Variants in CNTNAP2 observed in about 807,000 individuals in gnomAD.
CNTNAP2 encodes the protein contactin associated protein 2, also known as contactin-associated protein-like 2.
A neutral mutation model predicts 155.2 loss-of-function variants in CNTNAP2; 98 were observed. The observed-to-expected ratio is 0.63, with a 90% CI of 0.54 to 0.75. The LOEUF (loss-of-function observed/expected upper bound fraction) is 0.75, where lower values mean the gene tolerates loss of function less well. CNTNAP2 is among the 30% of genes least tolerant of loss of function. The pLI is 0.00. For missense variants in CNTNAP2, 1,727 were observed against 1,688.1 expected (o/e 1.02, Z -0.40); for synonymous variants, 651 against 631.2 (o/e 1.03, Z -0.47).
intron 8 of CNTNAP2, among the ~76,000 whole-genome samples, chr7:147,152,916 C>A (rs1047797910): frequency 6.6e-6 from 1 of 152,100 alleles, no homozygotes; most frequent in Non-Finnish European, 1.5e-5. Context: ...CATAGTAAGT[C>A]TGATGTTCAT....
At chr7:146,716,853 C>A (rs1244813254) in intron 1 of CNTNAP2, among the ~76,000 whole-genome samples, 1 of 152,172 alleles carries the variant, frequency 6.6e-6, no homozygotes, top group Non-Finnish European at 1.5e-5. Context: ...TAGATAACTG[C>A]TAGACAAGGT....
At chr7:147,615,442 C>T (rs1343293462) in intron 12 of CNTNAP2, among the ~76,000 whole-genome samples, 1 of 86,204 alleles carries the variant, frequency 1.2e-5, no homozygotes, top group African/African-American at 5.3e-5. Context: ...TCAAAAAAAA[C>T]TGTTAAAAAA....
chr7:148,074,805 G>T (rs1803453320), intron 15 of CNTNAP2, among the ~76,000 whole-genome samples: 1 of 152,064 alleles, frequency 6.6e-6, no homozygotes, highest in South Asian at 2.1e-4. Context: ...TTAGCTTTTA[G>T]ATAGTTTACA....
At chr7:147,817,299 C>G (rs1235709748) in intron 13 of CNTNAP2, among the ~76,000 whole-genome samples, 2 of 152,146 alleles carry the variant, frequency 1.3e-5, no homozygotes, top group African/African-American at 2.4e-5. Context: ...TTTTTGAAAC[C>G]GTTAGAAAAA....
chr7:147,132,700 G>A (rs1049752580), intron 8 of CNTNAP2, among the ~76,000 whole-genome samples, 191 bp downstream of exon 8: 3 of 152,086 alleles, frequency 2.0e-5, no homozygotes, highest in Non-Finnish European at 4.4e-5. Context: ...GAGAGAGCAA[G>A]GCATGGGTGA....
chr7:147,174,534 A>G (rs1802296324), intron 8 of CNTNAP2, among the ~76,000 whole-genome samples: 1 of 152,170 alleles, frequency 6.6e-6, no homozygotes, highest in African/African-American at 2.4e-5. Context: ...AAGAAAGGAT[A>G]TATGTAATAA....
chr7:148,087,901 C>T (rs1477038563), intron 15 of CNTNAP2, among the ~76,000 whole-genome samples: 1 of 151,976 alleles, frequency 6.6e-6, no homozygotes, highest in Non-Finnish European at 1.5e-5. Flanking sequence ...GTAATTTTTT[C>T]CAAATAAGAT....
intron 11 of CNTNAP2, among the ~76,000 whole-genome samples, chr7:147,525,081 G>A (rs1799295059): frequency 6.6e-6 from 1 of 152,222 alleles, no homozygotes; most frequent in South Asian, 2.1e-4. Flanking sequence ...GCAGGCATGA[G>A]AGCCACAAAC....
At chr7:146,572,249 C>G (rs1242731466) in intron 1 of CNTNAP2, among the ~76,000 whole-genome samples, 2 of 138,148 alleles carry the variant, frequency 1.4e-5, no homozygotes, top group Non-Finnish European at 1.5e-5. Flanking sequence ...TCTGTTTTCT[C>G]TATATTTCTG....
intron 15 of CNTNAP2, among the ~76,000 whole-genome samples, chr7:147,988,157 G>A (rs1457043754): frequency 6.6e-6 from 1 of 152,190 alleles, no homozygotes; most frequent in Non-Finnish European, 1.5e-5. Flanking sequence ...AATTTGTTGA[G>A]TTTGTCTAAA....
intron 8 of CNTNAP2, among the ~76,000 whole-genome samples, chr7:147,291,151 C>CT: frequency 6.6e-6 from 1 of 151,312 alleles, no homozygotes; most frequent in Admixed American, 6.6e-5. Context: ...TTTTTTTATT[C>CT]TTTTTTTAAA....
intron 21 of CNTNAP2, among the ~76,000 whole-genome samples, chr7:148,354,454 C>T (rs1798478279): frequency 6.6e-6 from 1 of 152,072 alleles, no homozygotes; most frequent in South Asian, 2.1e-4. Context: ...CCTTAGGCTG[C>T]TGTTCCAATC....
chr7:147,808,056 CTGGGACCT>C (rs917718925), intron 13 of CNTNAP2, among the ~76,000 whole-genome samples: 5 of 152,122 alleles, frequency 3.3e-5, no homozygotes, highest in African/African-American at 1.2e-4. Flanking sequence ...CTTGACATGT[CTGGGACCT>C]TGGCACTGAC....
At chr7:146,198,559 C>G (rs535736619) in intron 1 of CNTNAP2, among the ~76,000 whole-genome samples, 2 of 152,132 alleles carry the variant, frequency 1.3e-5, no homozygotes, top group African/African-American at 4.8e-5. Context: ...ATGTTCCTGA[C>G]TCATGTGCCT....
In CNTNAP2 at chr7:147,300,151, G is replaced by C. The variant is rs781466709; in HGVS notation, c.1359G>C (p.Leu453Phe). The C allele has an allele frequency of 5.1e-5, 83 of 1,613,908 alleles. No homozygotes were observed. In the South Asian group the frequency reaches 8.5e-4, roughly 16 times the overall value. ...SQIDISSGSGLNDGQWHEVRF... is the reference protein window; with the variant it reads ...SQIDISSGSGFNDGQWHEVRF... ...TCTTGTACTTACCAGGTTCTGGGTT[G>C]AATGATGGACAGTGGCACGAGGTTC... Residue 453 changes from leucine (L) to phenylalanine (F), a missense_variant, in exon 9 of 24, where the codon TTG becomes TTC. Physicochemically the swap from Leu to Phe is conservative, Grantham distance 22. Coordinates refer to ENST00000361727, the MANE Select transcript of CNTNAP2 (RefSeq NM_014141.6).
rs557843915 is a variant in CNTNAP2, at chr7:147,286,893, T to C, written c.1349-13248T>C. On this transcript the variant is annotated intron_variant, in intron 8 of 23. Coordinates refer to ENST00000361727, the MANE Select transcript of CNTNAP2 (RefSeq NM_014141.6). ...TTACTTGATGTCTCAGATGCACTTA[T>C]AAGAGTTGACTAGTCCCTGCTTCTT... is the stretch of plus-strand genomic sequence containing the variant. Among the ~76,000 whole-genome samples, 198 of 152,244 alleles carry C rather than the reference T, an allele frequency of 1.3e-3. 1 individual carries two copies. Among genetic ancestry groups the C allele is most frequent in the African/African-American group, 4.6e-3 (192 of 41,560 alleles).
In CNTNAP2 at chr7:146,760,127, A is replaced by G. The variant is rs141587389; in HGVS notation, c.98-14144A>G. On this transcript the variant is annotated intron_variant, in intron 1 of 23. Coordinates refer to ENST00000361727, the MANE Select transcript of CNTNAP2 (RefSeq NM_014141.6). Reference sequence around the variant, plus strand: ...TGAGTTCAATTAGATGTGAAGATACAATCTTGGCATATGTTCTTAAATGAG... The same window carrying G: ...TGAGTTCAATTAGATGTGAAGATACGATCTTGGCATATGTTCTTAAATGAG... Among the ~76,000 whole-genome samples, 85 of 152,274 alleles carry G rather than the reference A, an allele frequency of 5.6e-4. 2 individuals carry two copies. The highest frequency in any genetic ancestry group is 4.6e-4 in the African/African-American group (19 of 41,572).
chr7:146,705,075 A>G (rs1359432921), intron 1 of CNTNAP2, among the ~76,000 whole-genome samples: 1 of 152,128 alleles, frequency 6.6e-6, no homozygotes, highest in Non-Finnish European at 1.5e-5. Context: ...CTTGTCCCCT[A>G]GGTCATTTAA....
At chr7:147,777,886 A>G (rs1797609178) in intron 13 of CNTNAP2, among the ~76,000 whole-genome samples, 1 of 152,208 alleles carries the variant, frequency 6.6e-6, no homozygotes, top group African/African-American at 2.4e-5. Context: ...TTTAAATAAT[A>G]CATCTTTAGC....
Sources: gnomAD v4.1 joint callset for allele counts (sites outside exome capture counted in the v4.1 genomes callset) on GRCh38, gnomAD v4.1.1 for gene constraint, MANE v1.5 for transcripts, NCBI Gene and HGNC (gene_info 2026-07-23, HGNC 2026-07-21) for gene names.